The following EFCAB10 variants were observed in gnomAD, a reference collection of about 807,000 sequenced individuals.
The protein encoded by EFCAB10 is EF-hand calcium binding domain 10.
EFCAB10 carries 7 observed loss-of-function variants against 7.7 expected under a neutral mutation model. The observed-to-expected ratio is 0.91, with a 90% CI of 0.52 to 1.72. The LOEUF (loss-of-function observed/expected upper bound fraction) is 1.72, where lower values mean the gene tolerates loss of function less well. Ranked by LOEUF, EFCAB10 falls within the 40% of genes most tolerant of loss-of-function variation. The pLI, the probability that EFCAB10 is intolerant of heterozygous loss-of-function variation, is 0.00. For synonymous variants in EFCAB10, 52 were observed against 21.0 expected (o/e 2.47, Z -4.03); for missense variants, 112 against 61.5 (o/e 1.82, Z -2.74).
chr7:105,566,945 C>CT, intron 4 of EFCAB10: 1 of 404,086 alleles, frequency 2.5e-6, no homozygotes, highest in South Asian at 1.0e-4. Flanking sequence ...AATAGCAACT[C>CT]TGCACCTGTG....
intron 1 of EFCAB10, among the ~76,000 whole-genome samples, chr7:105,575,180 T>G (rs1010291111): frequency 1.3e-5 from 2 of 151,202 alleles, no homozygotes; most frequent in Admixed American, 1.3e-4. Context: ...AAGAACAGCA[T>G]GGGAAAGACT....
intron 1 of EFCAB10, among the ~76,000 whole-genome samples, chr7:105,577,559 A>G (rs1360432696): frequency 1.4e-5 from 2 of 143,732 alleles, no homozygotes; most frequent in Non-Finnish European, 3.1e-5. Flanking sequence ...CGAGATGGCC[A>G]AATGGAGGCC....
Position 105,569,557 on chromosome 7 carries a change from ATTC to A in EFCAB10, c.118_120del (p.Glu40del), listed in dbSNP as rs1791883764. On this transcript the variant is annotated inframe_deletion, in exon 2 of 5. Transcript: ENST00000480514. The stretch of plus-strand genomic sequence containing the variant: ...AGTCGTTCCAATAGAGATATTAAAT[ATTC>A]TTTTGGTTTTTCTGCAAAAGAATAG... 1.4e-6 allele frequency: 1 copy of A among 691,826 alleles called. No individual in the cohort carries two copies. Among genetic ancestry groups the A allele is most frequent in the Non-Finnish European group, 2.6e-6 (1 of 382,448 alleles). The allele number at this position is 691,826 out of a possible 1,614,324, so 42.9% of individuals were successfully genotyped here.
chr7:105,565,154 G>A lies in EFCAB10; in HGVS notation c.*293C>T, dbSNP rs1184333264. The A allele has an allele frequency of 7.5e-6, 5 of 665,680 alleles. No homozygotes were observed. In the African/African-American group the frequency reaches 9.0e-5, roughly 12 times the overall value. 41.2% of individuals were successfully genotyped at this position (665,680 alleles called of 1,614,324 possible). A position where few individuals can be genotyped will look rare whatever the true frequency, so the allele number is the denominator to read the frequency against. On this transcript the variant is annotated 3_prime_UTR_variant, in exon 5 of 5. Transcript: ENST00000480514. ...TTTCTGATAGAGCTTTTAATGTTAG[G>A]CTGTATATTTTTTCTTATCCAAAAT...
Position 105,569,273 on chromosome 7 carries a change from G to A in EFCAB10, c.289C>T (p.Leu97=), listed in dbSNP as rs572801279. Residue 97 remains leucine (L), a synonymous_variant, in exon 3 of 5, where the codon CTA becomes TTA. Coordinates refer to ENST00000480514, the MANE Select transcript of EFCAB10 (RefSeq NM_001355526.2). The stretch of plus-strand genomic sequence containing the variant: ...TGTAAATCTTCATCTTCAGTGCATA[G>A]ACCCAGGGTTTTTAGGGCTGTAAAA... ...QYKEALKTLG[L]CTEDEDLQDD... The A allele has an allele frequency of 1.3e-4, 94 of 702,234 alleles. 1 individual carries two copies. The highest frequency in any genetic ancestry group is 1.3e-3 in the South Asian group (90 of 67,380). 43.5% of individuals were successfully genotyped at this position (702,234 alleles called of 1,614,324 possible).
intron 1 of EFCAB10, among the ~76,000 whole-genome samples, chr7:105,577,318 GA>G (rs1792104918): frequency 6.6e-6 from 1 of 152,198 alleles, no homozygotes; most frequent in African/African-American, 2.4e-5. Context: ...AAAGAGCTGA[GA>G]AAAACATGCA....
chr7:105,573,066 A>G (rs1791990149), intron 1 of EFCAB10: 1 of 151,714 alleles, frequency 6.6e-6, no homozygotes, highest in Non-Finnish European at 1.5e-5. Flanking sequence ...CTTATCAGAC[A>G]TATAGTTTGC....
intron 1 of EFCAB10, chr7:105,572,726 A>G (rs1375845049): frequency 6.6e-6 from 1 of 152,242 alleles, no homozygotes; most frequent in Non-Finnish European, 1.5e-5. Flanking sequence ...ATGGGGTCTC[A>G]TTATGTTGCT....
chr7:105,567,120 A>G lies in EFCAB10; in HGVS notation c.383+347T>C, dbSNP rs778784751. On this transcript the variant is annotated intron_variant, in intron 4 of 4. Coordinates refer to ENST00000480514, the MANE Select transcript of EFCAB10 (RefSeq NM_001355526.2). ...CCCTCCTTTGTTTTCCCTAAACAGT[A>G]TAAAAGAAGCCTGTATTGTTTTGAA... 6.4e-7 allele frequency: 1 copy of G among 1,552,952 alleles called. No homozygotes were observed. The highest frequency in any genetic ancestry group is 8.7e-7 in the Non-Finnish European group (1 of 1,154,970).
At chr7:105,565,741 G>T in intron 4 of EFCAB10, 1 of 811,064 alleles carries the variant, frequency 1.2e-6, no homozygotes, top group East Asian at 2.5e-5. Flanking sequence ...ATGTTTGGGT[G>T]GGATAAGATC....
chr7:105,580,770 C>G (rs553141138), intron 1 of EFCAB10, among the ~76,000 whole-genome samples: 12 of 152,192 alleles, frequency 7.9e-5, no homozygotes, highest in African/African-American at 2.9e-4. Context: ...GACATAAAAC[C>G]ATTTTCACCT....
intron 2 of EFCAB10, 25 bp downstream of exon 2, chr7:105,569,382 A>G (rs2133508655): frequency 1.4e-6 from 1 of 695,928 alleles, no homozygotes; most frequent in Admixed American, 2.1e-5. Flanking sequence ...ACAAACTATT[A>G]CCTCAATTTG....
intron 1 of EFCAB10, among the ~76,000 whole-genome samples, chr7:105,570,244 T>TAA (rs1224444767): frequency 3.2e-5 from 1 of 30,846 alleles, no homozygotes. Flanking sequence ...AAAAAAAATA[T>TAA]ATATATATAT....
At chr7:105,578,919 C>G (rs141435387) in intron 1 of EFCAB10, among the ~76,000 whole-genome samples, 134 of 152,232 alleles carry the variant, frequency 8.8e-4, no homozygotes, top group African/African-American at 3.2e-3. Flanking sequence ...ACTAGAGGCA[C>G]ATGCCACCAT....
intron 1 of EFCAB10, chr7:105,571,371 A>C (rs546014487): frequency 6.6e-6 from 1 of 152,312 alleles, no homozygotes; most frequent in South Asian, 2.1e-4. Flanking sequence ...TTCAATGGAA[A>C]ATTTTAAACG....
At position 105,569,564 on chromosome 7, in the gene EFCAB10, TG is replaced by T. The variant is rs1281424093; in HGVS notation, c.113del (p.Pro38GlnfsTer5). The T allele has an allele frequency of 1.4e-6, 1 of 690,666 alleles. No homozygotes were observed. 42.8% of individuals were successfully genotyped at this position (690,666 alleles called of 1,614,324 possible). A position where few individuals can be genotyped will look rare whatever the true frequency, so the allele number is the denominator to read the frequency against. ...CCAATAGAGATATTAAATATTCTTT[TG>T]GTTTTTCTGCAAAAGAATAGTTCCA... is the stretch of plus-strand genomic sequence containing the variant. ...SALLFFRPEKPKEYLISLLER... is the reference protein window; with the variant it reads ...SALLFFRPEKXKEYLISLLER... On this transcript the variant is annotated frameshift_variant, in exon 2 of 5. Coordinates refer to ENST00000480514, the MANE Select transcript of EFCAB10 (RefSeq NM_001355526.2). LOFTEE classifies it high-confidence loss of function.
chr7:105,581,300 G>C (rs1008504611), intron 1 of EFCAB10, 58 bp downstream of exon 1: 2 of 691,552 alleles, frequency 2.9e-6, no homozygotes, highest in Non-Finnish European at 5.3e-6. Flanking sequence ...GGGGGGTTTC[G>C]TGTGGGAAGC....
chr7:105,572,938 T>C (rs1478186181), intron 1 of EFCAB10: 1 of 152,176 alleles, frequency 6.6e-6, no homozygotes, highest in Non-Finnish European at 1.5e-5. Context: ...TTCATATACC[T>C]GTAGGCCATT....
At position 105,569,479 on chromosome 7, in the gene EFCAB10, TAG is replaced by T. The variant is rs1437784721; in HGVS notation, c.197_198del (p.Ser66Ter). ...ATCATCTCAAACATAGCCACAATGT[TAG>T]AGTTATCCATAAAGAAAGGAAACGC... ...GVAFPFFMDN[S>X]NIVAMFEMMD... On this transcript the variant is annotated frameshift_variant, in exon 2 of 5. Transcript: ENST00000480514. LOFTEE classifies it high-confidence loss of function. The T allele has an allele frequency of 1.4e-6, 1 of 703,162 alleles. No homozygotes were observed. The highest frequency in any genetic ancestry group is 2.0e-5 in the Admixed American group (1 of 50,022). The allele number at this position is 703,162 out of a possible 1,614,324, so 43.6% of individuals were successfully genotyped here.
Sources: allele counts gnomAD v4.1 joint callset (sites outside exome capture counted in the v4.1 genomes callset), GRCh38; gene constraint gnomAD v4.1.1; transcripts MANE v1.5; gene names NCBI Gene and HGNC (gene_info 2026-07-23, HGNC 2026-07-21).